Variants in PTPRR observed in about 807,000 individuals in gnomAD.
The protein encoded by PTPRR is protein tyrosine phosphatase receptor type R, also known as receptor-type tyrosine-protein phosphatase R.
In PTPRR, 38 loss-of-function variants were observed where a neutral mutation model predicts 77.2. The ratio of observed to expected loss-of-function variants is 0.49; its 90% confidence interval spans 0.38 to 0.65. The LOEUF is 0.65. Ranked by LOEUF, PTPRR falls within the 30% of genes least tolerant of loss-of-function variation. The probability of loss-of-function intolerance (pLI) is 0.00; values close to 1 mark genes in which losing one functional copy is unlikely to be tolerated. For missense variants in PTPRR, 744 were observed against 799.2 expected (o/e 0.93, Z 0.83); for synonymous variants, 299 against 283.1 (o/e 1.06, Z -0.57).
chr12:70,686,309 TA>T (rs1257782405), intron 8 of PTPRR, among the ~76,000 whole-genome samples: 1 of 152,160 alleles, frequency 6.6e-6, no homozygotes, highest in East Asian at 1.9e-4. Context: ...AAATGGGAGC[TA>T]AAAATAATTA....
chr12:70,694,779 C>T lies in PTPRR; in HGVS notation c.1279+3486G>A, dbSNP rs572431902. 2.6e-5 allele frequency among the ~76,000 whole-genome samples: 4 copies of T among 152,110 alleles called. No homozygotes were observed. The East Asian group carries it at 7.7e-4, about 29-fold the overall frequency. ...TCACACAATATACCCTTGTAACAAA[C>T]CTGCACAGGTACCCCCTGAATCTAA... On this transcript the variant is annotated intron_variant, in intron 8 of 13. Coordinates refer to ENST00000283228, the MANE Select transcript of PTPRR (RefSeq NM_002849.4).
At chr12:70,823,903 G>A (rs1336435258) in intron 2 of PTPRR, among the ~76,000 whole-genome samples, 3 of 152,200 alleles carry the variant, frequency 2.0e-5, no homozygotes, top group African/African-American at 7.2e-5. Context: ...ACTGTCTAAG[G>A]GGCCATAGTG....
intron 2 of PTPRR, among the ~76,000 whole-genome samples, chr12:70,855,275 T>G (rs537598237): frequency 6.6e-6 from 1 of 152,190 alleles, no homozygotes; most frequent in Admixed American, 6.5e-5. Flanking sequence ...CCATGCAGAA[T>G]TGAAGCTTAG....
chr12:70,919,559 C>T (rs11178488), intron 1 of PTPRR, among the ~76,000 whole-genome samples: 12,674 of 151,876 alleles, frequency 0.083, 999 homozygotes, highest in African/African-American at 0.2. Context: ...GATTCTGGTG[C>T]CTCAAATCTA....
At chr12:70,774,479 C>T (rs1315816022) in intron 2 of PTPRR, among the ~76,000 whole-genome samples, 2 of 152,200 alleles carry the variant, frequency 1.3e-5, no homozygotes, top group Non-Finnish European at 2.9e-5. Context: ...GAAAGCTGTA[C>T]AAAAGCTGTA....
intron 2 of PTPRR, among the ~76,000 whole-genome samples, chr12:70,830,372 A>G (rs1400442342): frequency 6.6e-6 from 1 of 152,192 alleles, no homozygotes; most frequent in Admixed American, 6.5e-5. Context: ...CCACCTTGAC[A>G]TGCTGCCATA....
At chr12:70,843,445 A>G (rs999193720) in intron 2 of PTPRR, among the ~76,000 whole-genome samples, 4 of 152,218 alleles carry the variant, frequency 2.6e-5, no homozygotes, top group Admixed American at 2.0e-4. Context: ...ATCTTAAATT[A>G]CAATATTAAT....
chr12:70,639,569 A>G, intron 13 of PTPRR: 1 of 1,066,422 alleles, frequency 9.4e-7, no homozygotes, highest in Non-Finnish European at 1.2e-6. Flanking sequence ...AAGTACTTGG[A>G]TTTGGCATCA....
intron 7 of PTPRR, 86 bp from the exon 8 acceptor site, chr12:70,698,435 ATTG>A: frequency 8.5e-7 from 1 of 1,171,276 alleles, no homozygotes; most frequent in Non-Finnish European, 1.2e-6. Flanking sequence ...CCAGAGTTCT[ATTG>A]GACTTCAAAG....
chr12:70,752,694 A>G (rs1418830287), intron 5 of PTPRR, among the ~76,000 whole-genome samples: 2 of 152,030 alleles, frequency 1.3e-5, no homozygotes, highest in Non-Finnish European at 2.9e-5. Flanking sequence ...TTCCACTTTT[A>G]TCACTTTCAA....
intron 13 of PTPRR, among the ~76,000 whole-genome samples, chr12:70,656,124 A>T (rs1886569004): frequency 6.6e-6 from 1 of 152,112 alleles, no homozygotes. Context: ...GGGATGAGGT[A>T]GGAGGACCAC....
chr12:70,866,359 G>A (rs1362091604), intron 2 of PTPRR, among the ~76,000 whole-genome samples: 17 of 151,658 alleles, frequency 1.1e-4, no homozygotes, highest in Admixed American at 8.5e-4. Flanking sequence ...TATCACCACC[G>A]ATCCCACAGA....
At chr12:70,705,615 C>T (rs1342554263) in intron 6 of PTPRR, among the ~76,000 whole-genome samples, 2 of 151,928 alleles carry the variant, frequency 1.3e-5, no homozygotes, top group African/African-American at 4.8e-5. Context: ...GAAATGGTGG[C>T]AGCTGCTTAT....
At chr12:70,850,648 T>G (rs1193669533) in intron 2 of PTPRR, among the ~76,000 whole-genome samples, 1 of 152,200 alleles carries the variant, frequency 6.6e-6, no homozygotes, top group Non-Finnish European at 1.5e-5. Context: ...TCAAATCCAT[T>G]GTGACCGGGA....
chr12:70,770,741 A>C (rs1890951971), intron 2 of PTPRR, among the ~76,000 whole-genome samples: 1 of 152,158 alleles, frequency 6.6e-6, no homozygotes, highest in South Asian at 2.1e-4. Flanking sequence ...AATAGCAAAG[A>C]CTTGGAACCA....
rs185942688 is a variant in PTPRR at position 70,902,465 on chromosome 12, A to G, written c.59-9488T>C. Among the ~76,000 whole-genome samples, 225 of 151,916 alleles carry G rather than the reference A, an allele frequency of 1.5e-3. 1 individual carries two copies. Among genetic ancestry groups the G allele is most frequent in the Non-Finnish European group, 2.6e-3 (175 of 67,812 alleles). On this transcript the variant is annotated intron_variant, in intron 1 of 13. Coordinates refer to ENST00000283228, the MANE Select transcript of PTPRR (RefSeq NM_002849.4). The stretch of plus-strand genomic sequence containing the variant: ...TAAAGAGACTGAGATCTATGTCTAT[A>G]TGAGATACTGAGATATATAATCTAT...
Position 70,639,151 on chromosome 12 carries a change from A to C in PTPRR, c.*33T>G. 1.3e-6 allele frequency: 2 copies of C among 1,582,272 alleles called. No homozygotes were observed. The highest frequency in any genetic ancestry group is 1.7e-6 in the Non-Finnish European group (2 of 1,155,166). On this transcript the variant is annotated 3_prime_UTR_variant, in exon 14 of 14. Coordinates refer to ENST00000283228, the MANE Select transcript of PTPRR (RefSeq NM_002849.4). Reference sequence around the variant, plus strand: ...GGTGGGTAATTTGATTAATCACCCCAAGAGATTGATGGTCTGACAAGTCTT... The same window carrying C: ...GGTGGGTAATTTGATTAATCACCCCCAGAGATTGATGGTCTGACAAGTCTT...
At chr12:70,919,338 A>G (rs189264681) in intron 1 of PTPRR, among the ~76,000 whole-genome samples, 14 of 152,270 alleles carry the variant, frequency 9.2e-5, no homozygotes, top group Admixed American at 3.9e-4. Flanking sequence ...TTACAGGACT[A>G]CTGCATGGAC....
rs139126124 is a variant in PTPRR, at chr12:70,913,562, A to G, written c.58+6771T>C. On this transcript the variant is annotated intron_variant, in intron 1 of 13. Transcript: ENST00000283228. ...TAAAGTAAAAAAAAAATCTCATTCT[A>G]TTCTTAAGTAGTACTGGAAAATCAT... 8.7e-3 allele frequency among the ~76,000 whole-genome samples: 1,325 copies of G among 152,222 alleles called. 6 individuals carry two copies. Among genetic ancestry groups the G allele is most frequent in the Non-Finnish European group, 0.013 (877 of 67,966 alleles).
Sources: gnomAD v4.1 joint callset for allele counts (sites outside exome capture counted in the v4.1 genomes callset) on GRCh38, gnomAD v4.1.1 for gene constraint, MANE v1.5 for transcripts, NCBI Gene and HGNC (gene_info 2026-07-23, HGNC 2026-07-21) for gene names.